LINGO2: variants seen among roughly 807,000 people sequenced by gnomAD.
LINGO2 encodes the protein leucine-rich repeat and immunoglobulin-like domain-containing nogo receptor-interacting protein 2.
In LINGO2, 14 loss-of-function variants were observed where a neutral mutation model predicts 30.6. The observed-to-expected ratio is 0.46, with a 90% CI of 0.30 to 0.72. The LOEUF (loss-of-function observed/expected upper bound fraction) is 0.72. LINGO2 is among the 30% of genes least tolerant of loss of function. The pLI is 0.07. For missense variants in LINGO2, 729 were observed against 751.7 expected (o/e 0.97, Z 0.35); for synonymous variants, 317 against 288.5 (o/e 1.10, Z -1.00).
At position 28,246,406 on chromosome 9, in the gene LINGO2, G is replaced by C. The variant is rs140335153; in HGVS notation, c.-87+48802C>G. Among the ~76,000 whole-genome samples the C allele has an allele frequency of 7.9e-3, 1,208 of 152,098 alleles. 23 individuals are homozygous for C. The highest frequency in any genetic ancestry group is 0.028 in the African/African-American group (1,165 of 41,490). On this transcript the variant is annotated intron_variant, in intron 4 of 5. Transcript: ENST00000379992. ...CTTGCCACTGCACTCCAGTCTGGGTGACAGAGTGAGACTCCATCTCAAAAA... is the reference window on the plus strand; with the variant it reads ...CTTGCCACTGCACTCCAGTCTGGGTCACAGAGTGAGACTCCATCTCAAAAA...
In LINGO2 at chr9:28,272,624, T is replaced by C. The variant is rs2134094246; in HGVS notation, c.-87+22584A>G. Among the ~76,000 whole-genome samples the C allele has an allele frequency of 2.0e-5, 3 of 152,206 alleles. No individual in the cohort carries two copies. The South Asian group carries it at 6.2e-4, about 32-fold the overall frequency. On this transcript the variant is annotated intron_variant, in intron 4 of 5. Transcript: ENST00000379992. The stretch of plus-strand genomic sequence containing the variant: ...AAACAAACAAAATTGCCTTTAATAT[T>C]GCCTTTCTTCCTTTTTTAATTCCCT...
intron 1 of LINGO2, among the ~76,000 whole-genome samples, chr9:28,633,719 A>T (rs1050259571): frequency 6.6e-6 from 1 of 152,192 alleles, no homozygotes; most frequent in African/African-American, 2.4e-5. Context: ...CCTTCCAACA[A>T]TAAACTAATA....
the LINGO2 span, among the ~76,000 whole-genome samples, chr9:29,101,424 A>G: frequency 6.6e-6 from 1 of 152,206 alleles, no homozygotes; most frequent in African/African-American, 2.4e-5. Context: ...ATTATTCAAC[A>G]AAATTGTCAA....
the LINGO2 span, among the ~76,000 whole-genome samples, chr9:28,728,529 A>T: frequency 6.6e-6 from 1 of 152,164 alleles, no homozygotes; most frequent in African/African-American, 2.4e-5. Flanking sequence ...GATGCAAAAA[A>T]ATAAAAGCAT....
chr9:28,141,561 C>G (rs1017361126), intron 4 of LINGO2, among the ~76,000 whole-genome samples: 2 of 152,206 alleles, frequency 1.3e-5, no homozygotes, highest in Non-Finnish European at 1.5e-5. Context: ...GCCTGGGTTA[C>G]ACTTTGGAAA....
chr9:28,855,204 C>A, the LINGO2 span, among the ~76,000 whole-genome samples: 120,176 of 151,802 alleles, frequency 0.79, 47,638 homozygotes, highest in East Asian at 0.89. Context: ...AGACTATTTG[C>A]GATCCTCCAA....
intron 4 of LINGO2, among the ~76,000 whole-genome samples, chr9:28,152,534 A>G (rs1828029871): frequency 6.6e-6 from 1 of 152,208 alleles, no homozygotes; most frequent in African/African-American, 2.4e-5. Context: ...GGATAAGCCC[A>G]AGTGGAATGA....
chr9:28,594,882 T>G (rs987421348), intron 1 of LINGO2, among the ~76,000 whole-genome samples: 4 of 152,114 alleles, frequency 2.6e-5, no homozygotes, highest in African/African-American at 4.8e-5. Context: ...TACTGATTTT[T>G]CATGTGTGAA....
the LINGO2 span, among the ~76,000 whole-genome samples, chr9:29,205,749 C>T: frequency 6.6e-6 from 1 of 152,174 alleles, no homozygotes; most frequent in Admixed American, 6.5e-5. Context: ...ATAATTCAAA[C>T]ACCATGAAAT....
At chr9:29,101,769 T>C in the LINGO2 span, among the ~76,000 whole-genome samples, 7 of 152,336 alleles carry the variant, frequency 4.6e-5, no homozygotes, top group African/African-American at 1.7e-4. Context: ...GGCTGAATAG[T>C]ATTTGTGTCT....
At chr9:28,829,111 T>C in the LINGO2 span, among the ~76,000 whole-genome samples, 7 of 151,894 alleles carry the variant, frequency 4.6e-5, no homozygotes, top group East Asian at 1.9e-4. Context: ...CTGTTGAACG[T>C]TGGGAGGAAA....
At chr9:28,383,257 TGTGTGTGTGTGTGTG>T (rs1821430156) in intron 2 of LINGO2, among the ~76,000 whole-genome samples, 2 of 148,898 alleles carry the variant, frequency 1.3e-5, no homozygotes, top group Admixed American at 6.7e-5. Flanking sequence ...CCATTCATTG[TGTGTGTGTGTGTGTG>T]TGTGTGTGTG....
intron 4 of LINGO2, among the ~76,000 whole-genome samples, chr9:28,025,774 G>A (rs912039524): frequency 6.6e-6 from 1 of 152,184 alleles, no homozygotes; most frequent in African/African-American, 2.4e-5. Flanking sequence ...CATCCAGAAG[G>A]CAGAGAGCCA....
At chr9:28,242,479 A>G (rs1333083949) in intron 4 of LINGO2, among the ~76,000 whole-genome samples, 1 of 152,206 alleles carries the variant, frequency 6.6e-6, no homozygotes, top group Non-Finnish European at 1.5e-5. Flanking sequence ...CTATGTAAAA[A>G]GACCAAACCA....
the LINGO2 span, among the ~76,000 whole-genome samples, chr9:29,001,249 A>G: frequency 1.3e-5 from 2 of 152,132 alleles, no homozygotes; most frequent in Non-Finnish European, 2.9e-5. Context: ...CTCCATCATT[A>G]TAGGCAAAGT....
At chr9:28,167,822 A>G (rs1446818080) in intron 4 of LINGO2, among the ~76,000 whole-genome samples, 1 of 152,248 alleles carries the variant, frequency 6.6e-6, no homozygotes, top group African/African-American at 2.4e-5. Context: ...TCCTACAGAT[A>G]AAAGAGCCCA....
At chr9:28,911,004 G>T in the LINGO2 span, among the ~76,000 whole-genome samples, 1 of 152,000 alleles carries the variant, frequency 6.6e-6, no homozygotes, top group African/African-American at 2.4e-5. Context: ...CCAGTCACAT[G>T]GAAGAAATTA....
At chr9:28,248,853 G>A (rs973028604) in intron 4 of LINGO2, among the ~76,000 whole-genome samples, 18 of 152,088 alleles carry the variant, frequency 1.2e-4, no homozygotes, top group Admixed American at 1.3e-4. Context: ...AAACAGTAAT[G>A]CCTATAAAGA....
the LINGO2 span, among the ~76,000 whole-genome samples, chr9:29,135,790 C>T: frequency 6.6e-6 from 1 of 152,136 alleles, no homozygotes; most frequent in Non-Finnish European, 1.5e-5. Flanking sequence ...TTCCCTCCCA[C>T]TAGCTCCTAG....
Sources: gnomAD v4.1 joint callset for allele counts (sites outside exome capture counted in the v4.1 genomes callset) on GRCh38, gnomAD v4.1.1 for gene constraint, MANE v1.5 for transcripts, NCBI Gene and HGNC (gene_info 2026-07-23, HGNC 2026-07-21) for gene names.